ANKRD30BL: variants seen among roughly 807,000 people sequenced by gnomAD.
ANKRD30BL encodes ankyrin repeat domain 30B like, also known as putative ankyrin repeat domain-containing protein 30B-like.
Under a neutral mutation model 18.4 loss-of-function variants are expected in ANKRD30BL, and 20 were observed. The ratio of observed to expected loss-of-function variants is 1.09; its 90% CI spans 0.77 to 1.58. ANKRD30BL has a LOEUF of 1.58. ANKRD30BL is among the 40% of genes most tolerant of loss of function. ANKRD30BL has a pLI of 0.00. For synonymous variants in ANKRD30BL, 72 were observed against 100.9 expected, an observed-to-expected ratio of 0.71 and a Z score of 1.72; for missense variants, 224 against 268.6, an observed-to-expected ratio of 0.83 and a Z score of 1.16.
intron 4 of ANKRD30BL, among the ~76,000 whole-genome samples, chr2:132,153,025 C>T (rs1447676483): frequency 6.6e-6 from 1 of 152,150 alleles, no homozygotes; most frequent in Non-Finnish European, 1.5e-5. Context: ...GACTGAAGAA[C>T]CTGTGTTAGT....
At chr2:132,253,638 G>A (rs1412449824) in intron 1 of ANKRD30BL, among the ~76,000 whole-genome samples, 24 of 152,088 alleles carry the variant, frequency 1.6e-4, no homozygotes, top group Admixed American at 6.5e-5. Flanking sequence ...CCAGCTGGCC[G>A]GGGGGACGGA....
At chr2:132,248,582 T>A (rs202208865) in intron 1 of ANKRD30BL, among the ~76,000 whole-genome samples, 8 of 151,854 alleles carry the variant, frequency 5.3e-5, no homozygotes, top group African/African-American at 1.7e-4. Flanking sequence ...GAAGTTTCTC[T>A]GAAATCTTCT....
chr2:132,247,800 C>T (rs914640574), intron 1 of ANKRD30BL, among the ~76,000 whole-genome samples: 1 of 151,800 alleles, frequency 6.6e-6, no homozygotes, highest in African/African-American at 2.4e-5. Context: ...CACAAATATC[C>T]CTATGCAGAT....
At position 132,147,921 on chromosome 2, in the gene ANKRD30BL, A is replaced by T. The variant is rs1431008408; in HGVS notation, c.*210T>A. On this transcript the variant is annotated 3_prime_UTR_variant, in exon 6 of 6. Transcript: ENST00000409867. Reference sequence around the variant, plus strand: ...GACAAAGCAGGTGTTAGAGGCTAGAAGGGGGCTGTTTAATGAAACTAGGGG... The same window carrying T: ...GACAAAGCAGGTGTTAGAGGCTAGATGGGGGCTGTTTAATGAAACTAGGGG... 1.9e-6 allele frequency: 1 copy of T among 530,316 alleles called. No individual in the cohort carries two copies. Among genetic ancestry groups the T allele is most frequent in the Admixed American group, 3.3e-5 (1 of 30,296 alleles). The allele number at this position is 530,316 out of a possible 1,614,324, so 32.9% of individuals were successfully genotyped here.
At chr2:132,164,269 C>CTTTTTTTTTTTTTTTTTTT (rs796313755), upstream of ANKRD30BL, among the ~76,000 whole-genome samples, 27 of 112,198 alleles carry the variant, frequency 2.4e-4, 1 homozygote, top group East Asian at 2.4e-3. Flanking sequence ...TTTTCTTTTT[C>CTTTTTTTTTTTTTTTTTTT]TTTTTTTTTT....
chr2:132,173,503 TAGTC>T (rs1688315911), intron 1 of ANKRD30BL, among the ~76,000 whole-genome samples: 1 of 151,916 alleles, frequency 6.6e-6, no homozygotes, highest in Non-Finnish European at 1.5e-5. Context: ...TTCACCGTGT[TAGTC>T]AGGATGGTCT....
At chr2:132,233,192 A>T (rs1374984592) in intron 1 of ANKRD30BL, among the ~76,000 whole-genome samples, 6 of 152,014 alleles carry the variant, frequency 3.9e-5, no homozygotes, top group Non-Finnish European at 7.4e-5. Flanking sequence ...GAAGCACTAA[A>T]CATGGAAAGG....
chr2:132,255,874 G>A (rs1319486123), intron 1 of ANKRD30BL, among the ~76,000 whole-genome samples: 3 of 152,118 alleles, frequency 2.0e-5, no homozygotes, highest in Middle Eastern at 3.2e-3. Flanking sequence ...GCCACGGGGG[G>A]CGTGCGATTG....
intron 1 of ANKRD30BL, among the ~76,000 whole-genome samples, chr2:132,217,355 G>A (rs1384102234): frequency 1.3e-5 from 2 of 152,242 alleles, no homozygotes; most frequent in Non-Finnish European, 2.9e-5. Context: ...TGATAGAGCA[G>A]TTTTGAAACA....
chr2:132,190,466 A>T (rs909809524), intron 1 of ANKRD30BL, among the ~76,000 whole-genome samples: 2 of 151,404 alleles, frequency 1.3e-5, no homozygotes, highest in African/African-American at 4.9e-5. Flanking sequence ...AAACAAAACT[A>T]CTGAATCATT....
chr2:132,255,824 T>C (rs1573902952), intron 1 of ANKRD30BL, among the ~76,000 whole-genome samples: 1 of 152,088 alleles, frequency 6.6e-6, no homozygotes, highest in South Asian at 2.1e-4. Context: ...GCGACTACCA[T>C]AGAAAGTTGA....
chr2:132,172,449 T>G (rs1210135116), intron 1 of ANKRD30BL, among the ~76,000 whole-genome samples: 1 of 152,216 alleles, frequency 6.6e-6, no homozygotes, highest in Non-Finnish European at 1.5e-5. Context: ...TCATCATTAT[T>G]TTCATTTGTG....
chr2:132,177,931 A>T (rs1158854211), intron 1 of ANKRD30BL, among the ~76,000 whole-genome samples: 2 of 151,994 alleles, frequency 1.3e-5, no homozygotes, highest in African/African-American at 4.8e-5. Context: ...TACAGTTGGT[A>T]TGCCATTTTT....
chr2:132,256,760 G>T (rs538116387), intron 1 of ANKRD30BL, among the ~76,000 whole-genome samples: 158 of 152,376 alleles, frequency 1.0e-3, no homozygotes, highest in Non-Finnish European at 1.8e-3. Flanking sequence ...CACGCCCGGG[G>T]ACACGGACAA....
chr2:132,256,456 C>T (rs796776758), intron 1 of ANKRD30BL, among the ~76,000 whole-genome samples: 1 of 152,224 alleles, frequency 6.6e-6, no homozygotes, highest in Non-Finnish European at 1.5e-5. Flanking sequence ...CGCGAGGGAC[C>T]GGCGGCCACT....
At chr2:132,204,762 T>G (rs72866789) in intron 1 of ANKRD30BL, among the ~76,000 whole-genome samples, 28,618 of 152,056 alleles carry the variant, frequency 0.19, 3,337 homozygotes, top group Non-Finnish European at 0.27. Flanking sequence ...ACTGGCTTGA[T>G]ATTATCATCG....
intron 1 of ANKRD30BL, among the ~76,000 whole-genome samples, chr2:132,200,778 G>C (rs1308416454): frequency 6.6e-6 from 1 of 152,098 alleles, no homozygotes; most frequent in South Asian, 2.1e-4. Context: ...TTTCTTCACA[G>C]AATTGGAAAA....
intron 4 of ANKRD30BL, among the ~76,000 whole-genome samples, chr2:132,153,036 A>G (rs1279223409): frequency 6.6e-6 from 1 of 152,196 alleles, no homozygotes; most frequent in Non-Finnish European, 1.5e-5. Flanking sequence ...CTGTGTTAGT[A>G]AGGGCTTCCT....
At chr2:132,223,079 C>T (rs1015174653) in intron 1 of ANKRD30BL, among the ~76,000 whole-genome samples, 3 of 151,920 alleles carry the variant, frequency 2.0e-5, no homozygotes, top group African/African-American at 7.3e-5. Context: ...ATTTGGACCG[C>T]TTTGAGGCCT....
Sources: allele counts gnomAD v4.1 joint callset (sites outside exome capture counted in the v4.1 genomes callset), GRCh38; gene constraint gnomAD v4.1.1; transcripts MANE v1.5; gene names NCBI Gene and HGNC (gene_info 2026-07-23, HGNC 2026-07-21).